The following ANTXR2 variants were observed in gnomAD, a reference collection of about 807,000 sequenced individuals.
ANTXR2 encodes anthrax toxin receptor 2.
In ANTXR2, 44 loss-of-function variants were observed where a neutral mutation model predicts 73.7. The observed-to-expected ratio is 0.60, with a 90% CI of 0.47 to 0.77. The LOEUF is 0.77. ANTXR2 is among the 30% of genes least tolerant of loss of function. ANTXR2 has a pLI of 0.00. For synonymous variants in ANTXR2, 217 were observed against 205.9 expected (o/e 1.05, Z -0.46); for missense variants, 604 against 592.5 (o/e 1.02, Z -0.20).
At chr4:80,002,122 A>G (rs1278971548) in intron 12 of ANTXR2, among the ~76,000 whole-genome samples, 1 of 152,160 alleles carries the variant, frequency 6.6e-6, no homozygotes, top group Non-Finnish European at 1.5e-5. Flanking sequence ...AGCCAAAAGA[A>G]CAAAGCTGGA....
intron 12 of ANTXR2, among the ~76,000 whole-genome samples, chr4:80,002,804 G>GA (rs1341000774): frequency 2.0e-5 from 3 of 151,418 alleles, no homozygotes; most frequent in Admixed American, 6.6e-5. Context: ...AAAAACACAT[G>GA]AAAAAATGCT....
intron 12 of ANTXR2, among the ~76,000 whole-genome samples, chr4:79,995,076 C>T (rs1730660005): frequency 6.6e-6 from 1 of 151,986 alleles, no homozygotes; most frequent in Admixed American, 6.6e-5. Context: ...CCTGTTGTTT[C>T]ATCTAGAAGA....
chr4:79,922,645 T>C (rs1010257156), intron 16 of ANTXR2, among the ~76,000 whole-genome samples: 2 of 152,046 alleles, frequency 1.3e-5, no homozygotes, highest in African/African-American at 4.8e-5. Context: ...AAAAGAACAG[T>C]TTGCTTCTTG....
Position 80,069,416 on chromosome 4 carries a change from T to C in ANTXR2, c.296+20A>G. 1 of 1,550,244 alleles carries C rather than the reference T, an allele frequency of 6.5e-7. No individual in the cohort carries two copies. The highest frequency in any genetic ancestry group is 8.9e-7 in the Non-Finnish European group (1 of 1,129,640). On this transcript the variant is annotated intron_variant, in intron 3 of 16. Coordinates refer to ENST00000403729, the MANE Select transcript of ANTXR2 (RefSeq NM_058172.6). ...ATTCATCTCTACTAAAAGCCTGCAG[T>C]GAAATGATAATGCACTAACCTGTCT...
At chr4:79,911,548 T>C (rs1291966481) in intron 16 of ANTXR2, among the ~76,000 whole-genome samples, 1 of 151,816 alleles carries the variant, frequency 6.6e-6, no homozygotes. Context: ...CAGGATTACA[T>C]AGCTTCTAAA....
chr4:79,907,111 CT>C lies in ANTXR2; in HGVS notation c.*317del. On this transcript the variant is annotated 3_prime_UTR_variant, in exon 17 of 17. Coordinates refer to ENST00000403729, the MANE Select transcript of ANTXR2 (RefSeq NM_058172.6). ...CATCTTCGTGTTGTTGCTGTTGTTG[CT>C]TTTTCCTCTTCTACACATTCAAACA... The C allele has an allele frequency of 2.9e-6, 1 of 350,700 alleles. No individual in the cohort carries two copies. Among genetic ancestry groups the C allele is most frequent in the Non-Finnish European group, 5.1e-6 (1 of 194,998 alleles). The allele number at this position is 350,700 out of a possible 1,614,324, so 21.7% of individuals were successfully genotyped here. A position where few individuals can be genotyped will look rare whatever the true frequency, so the allele number is the denominator to read the frequency against.
chr4:79,929,263 C>A (rs1238131559), intron 16 of ANTXR2, among the ~76,000 whole-genome samples: 1 of 152,082 alleles, frequency 6.6e-6, no homozygotes, highest in African/African-American at 2.4e-5. Context: ...CCCTGTAATC[C>A]CAGCACTTTG....
At chr4:80,055,321 A>G in intron 5 of ANTXR2, 39 bp downstream of exon 5, 1 of 1,574,156 alleles carries the variant, frequency 6.4e-7, no homozygotes. Flanking sequence ...ACAGCGATGT[A>G]CAGTGGGGTG....
chr4:80,069,783 C>A (rs890201837), intron 2 of ANTXR2, among the ~76,000 whole-genome samples: 1 of 152,174 alleles, frequency 6.6e-6, no homozygotes, highest in Non-Finnish European at 1.5e-5. Flanking sequence ...AAATTCTAAG[C>A]TGATGTAAAA....
At chr4:79,992,379 G>A (rs977677485) in intron 12 of ANTXR2, among the ~76,000 whole-genome samples, 1 of 150,588 alleles carries the variant, frequency 6.6e-6, no homozygotes, top group African/African-American at 2.4e-5. Context: ...CAAACCTCAG[G>A]GAAAAAATAC....
At chr4:79,949,216 T>C (rs1454202345) in intron 16 of ANTXR2, among the ~76,000 whole-genome samples, 2 of 152,126 alleles carry the variant, frequency 1.3e-5, no homozygotes, top group African/African-American at 4.8e-5. Context: ...AACACAGAAA[T>C]AACATGGGTT....
At chr4:79,908,564 G>T (rs909863563) in intron 16 of ANTXR2, among the ~76,000 whole-genome samples, 1 of 152,124 alleles carries the variant, frequency 6.6e-6, no homozygotes, top group African/African-American at 2.4e-5. Context: ...AACAGAGCTA[G>T]GAGTTTCCAT....
chr4:79,999,412 G>A (rs1730907402), intron 12 of ANTXR2, among the ~76,000 whole-genome samples: 1 of 151,894 alleles, frequency 6.6e-6, no homozygotes, highest in Admixed American at 6.6e-5. Flanking sequence ...ATGATTGTAA[G>A]TTTCCTGAGG....
intron 12 of ANTXR2, among the ~76,000 whole-genome samples, chr4:80,006,157 T>C (rs923833279): frequency 2.1e-4 from 32 of 152,156 alleles, no homozygotes; most frequent in African/African-American, 7.5e-4. Flanking sequence ...CTCCTTTATG[T>C]TTCTACTGTT....
At chr4:80,059,225 A>G (rs187409452) in intron 3 of ANTXR2, among the ~76,000 whole-genome samples, 1 of 152,200 alleles carries the variant, frequency 6.6e-6, no homozygotes, top group East Asian at 1.9e-4. Context: ...ACAAAATGTT[A>G]TATTAAAGCC....
chr4:80,014,361 G>T (rs1239291270), intron 11 of ANTXR2, among the ~76,000 whole-genome samples: 1 of 152,020 alleles, frequency 6.6e-6, no homozygotes, highest in Non-Finnish European at 1.5e-5. Flanking sequence ...AAGGTCAGGA[G>T]ATTGAGACCA....
intron 14 of ANTXR2, among the ~76,000 whole-genome samples, chr4:79,982,298 A>G (rs774164243): frequency 6.6e-6 from 1 of 152,164 alleles, no homozygotes; most frequent in Non-Finnish European, 1.5e-5. Context: ...AGGGAAATAT[A>G]TAGCATAGAT....
At chr4:80,071,749 G>C in intron 1 of ANTXR2, 95 bp from the exon 2 acceptor site, 1 of 983,938 alleles carries the variant, frequency 1.0e-6, no homozygotes, top group Non-Finnish European at 1.6e-6. Flanking sequence ...ACGAACATAG[G>C]GGCACCTGGC....
At chr4:79,925,155 AC>A (rs1326135572) in intron 16 of ANTXR2, among the ~76,000 whole-genome samples, 1 of 152,158 alleles carries the variant, frequency 6.6e-6, no homozygotes, top group Non-Finnish European at 1.5e-5. Flanking sequence ...CCAAACCTGG[AC>A]AACTGTATCA....
Sources: allele counts gnomAD v4.1 joint callset (sites outside exome capture counted in the v4.1 genomes callset), GRCh38; gene constraint gnomAD v4.1.1; transcripts MANE v1.5; gene names NCBI Gene and HGNC (gene_info 2026-07-23, HGNC 2026-07-21).